The following CPS1 variants were observed in gnomAD, a reference collection of about 807,000 sequenced individuals.
The protein encoded by CPS1 is carbamoyl-phosphate synthase [ammonia], mitochondrial.
CPS1 carries 109 observed loss-of-function variants against 174.6 expected under a neutral mutation model. The observed-to-expected ratio is 0.62, with a 90% CI of 0.53 to 0.73. The LOEUF is 0.73. CPS1 is among the 30% of genes least tolerant of loss of function. The pLI, the probability that CPS1 is intolerant of heterozygous loss-of-function variation, is 0.00. For missense variants in CPS1, 1,689 were observed against 1,821.9 expected (o/e 0.93, Z 1.33); for synonymous variants, 637 against 632.0 (o/e 1.01, Z -0.12).
chr2:210,481,964 A>G (rs1244062777), intron 1 of CPS1, among the ~76,000 whole-genome samples: 1 of 152,244 alleles, frequency 6.6e-6, no homozygotes, highest in Non-Finnish European at 1.5e-5. Flanking sequence ...CCAGGGCTGC[A>G]GCTGCAGAGA....
chr2:210,575,525 C>CAA lies in CPS1; in HGVS notation c.237-820_237-819insAA, dbSNP rs962255612. Reference sequence around the variant, plus strand: ...CACACGATATGTATATGCACACACACACACACACACACACACACGATATAT... The same window carrying CAA: ...CACACGATATGTATATGCACACACACAAACACACACACACACACACGATATAT... On this transcript the variant is annotated intron_variant, in intron 2 of 37. Transcript: ENST00000233072. Among the ~76,000 whole-genome samples, 5 of 127,292 alleles carry CAA rather than the reference C, an allele frequency of 3.9e-5. No homozygotes were observed. In the Admixed American group the frequency reaches 4.2e-4, roughly 11 times the overall value. The allele number at this position is 127,292 out of a possible 152,430, so 83.5% of individuals were successfully genotyped here.
chr2:210,502,681 C>T (rs1335022673), intron 1 of CPS1, among the ~76,000 whole-genome samples: 2 of 151,960 alleles, frequency 1.3e-5, no homozygotes, highest in Non-Finnish European at 1.5e-5. Context: ...GTCATAGTTC[C>T]TGGGTCTGAG....
At chr2:210,507,029 C>T (rs1335156108) in intron 1 of CPS1, among the ~76,000 whole-genome samples, 2 of 152,200 alleles carry the variant, frequency 1.3e-5, no homozygotes, top group East Asian at 3.9e-4. Context: ...ACAGAGAACG[C>T]CACAAAGATA....
Position 210,620,389 on chromosome 2 carries a change from T to C in CPS1, c.2687+3848T>C, listed in dbSNP as rs1003340709. Among the ~76,000 whole-genome samples the C allele has an allele frequency of 3.9e-5, 6 of 152,220 alleles. No individual in the cohort carries two copies. The East Asian group carries it at 1.2e-3, about 30-fold the overall frequency. On this transcript the variant is annotated intron_variant, in intron 21 of 37. Transcript: ENST00000233072. ...GAAGGGGAGAGATAAACATGTTTCA[T>C]GTTCATGATTACGTATGAAGTCTCA...
In CPS1 at chr2:210,565,836, C is replaced by A. The variant is rs1052557201; in HGVS notation, c.127-7462C>A. Among the ~76,000 whole-genome samples, 3 of 152,304 alleles carry A rather than the reference C, an allele frequency of 2.0e-5. No homozygotes were observed. The East Asian group carries it at 5.8e-4, about 29-fold the overall frequency. ...ATTAACTTTGGCATAAGGACTTTGA[C>A]TGATCATTTGGTTTAAGTGCCTAGC... On this transcript the variant is annotated intron_variant, in intron 1 of 37. Transcript: ENST00000233072.
At chr2:210,563,604 G>A (rs573183442) in intron 1 of CPS1, among the ~76,000 whole-genome samples, 5 of 152,234 alleles carry the variant, frequency 3.3e-5, no homozygotes, top group East Asian at 1.9e-4. Context: ...AAACTGGTTC[G>A]AAGTAAAGGA....
intron 25 of CPS1, among the ~76,000 whole-genome samples, chr2:210,644,086 A>G (rs1559124084): frequency 1.3e-5 from 2 of 152,110 alleles, no homozygotes; most frequent in Non-Finnish European, 2.9e-5. Context: ...TCCTCATGAA[A>G]TGGTTTAAAG....
rs183176899 is a variant in CPS1, at chr2:210,672,740, T to C, written c.4102-2162T>C. The C allele has an allele frequency of 1.7e-3, 255 of 152,294 alleles. 1 individual carries two copies. Among genetic ancestry groups the C allele is most frequent in the African/African-American group, 5.7e-3 (236 of 41,570 alleles). The allele number at this position is 152,294 out of a possible 1,614,324, so 9.4% of individuals were successfully genotyped here. A position where few individuals can be genotyped will look rare whatever the true frequency, so the allele number is the denominator to read the frequency against. Reference sequence around the variant, plus strand: ...AAGTGGAAATGAAAAGCTACTTTCCTGGGCATGGTTAAAATTCATGTTCTA... The same window carrying C: ...AAGTGGAAATGAAAAGCTACTTTCCCGGGCATGGTTAAAATTCATGTTCTA... On this transcript the variant is annotated intron_variant, in intron 34 of 37. Coordinates refer to ENST00000233072, the MANE Select transcript of CPS1 (RefSeq NM_001875.5).
intron 30 of CPS1, 156 bp from the exon 31 acceptor site, chr2:210,658,443 A>G (rs550848597): frequency 3.2e-6 from 2 of 634,480 alleles, no homozygotes; most frequent in South Asian, 1.7e-5. Flanking sequence ...ATAGAAACCT[A>G]ATAGTGCCCT....
chr2:210,504,790 A>C (rs1353009225), intron 1 of CPS1, among the ~76,000 whole-genome samples: 1 of 152,234 alleles, frequency 6.6e-6, no homozygotes, highest in Non-Finnish European at 1.5e-5. Context: ...ACATTGTGGC[A>C]TACCCACTTC....
chr2:210,576,053 A>C (rs1368894977), intron 2 of CPS1, among the ~76,000 whole-genome samples: 3 of 152,088 alleles, frequency 2.0e-5, no homozygotes, highest in Non-Finnish European at 2.9e-5. Flanking sequence ...AAAAATTAAG[A>C]TGCTAGCAAG....
intron 1 of CPS1, among the ~76,000 whole-genome samples, chr2:210,534,495 C>T (rs1050387403): frequency 2.0e-5 from 3 of 152,134 alleles, no homozygotes; most frequent in Non-Finnish European, 4.4e-5. Context: ...TGGCAGTTAT[C>T]GGCTGCAGTA....
chr2:210,607,136 C>G (rs1698942518), intron 18 of CPS1, among the ~76,000 whole-genome samples, 195 bp downstream of exon 18: 1 of 151,908 alleles, frequency 6.6e-6, no homozygotes, highest in Admixed American at 6.6e-5. Context: ...AATTATATTG[C>G]TAGCTGGCTT....
At chr2:210,600,806 A>G in intron 15 of CPS1, 94 bp downstream of exon 15, 1 of 1,347,990 alleles carries the variant, frequency 7.4e-7, no homozygotes, top group Non-Finnish European at 1.1e-6. Flanking sequence ...AGTTAAGATT[A>G]TTATACTTGC....
At chr2:210,590,028 C>G in intron 7 of CPS1, 78 bp from the exon 8 acceptor site, 1 of 1,579,330 alleles carries the variant, frequency 6.3e-7, no homozygotes, top group South Asian at 1.1e-5. Context: ...AATGGTTAGT[C>G]AAGAGAAAGT....
intron 1 of CPS1, among the ~76,000 whole-genome samples, chr2:210,539,385 G>A (rs535195235): frequency 1.3e-5 from 2 of 152,196 alleles, no homozygotes; most frequent in East Asian, 3.9e-4. Context: ...GCAAGATTTG[G>A]AATTATCCGC....
At chr2:210,514,312 T>C (rs1695613132) in intron 1 of CPS1, among the ~76,000 whole-genome samples, 1 of 152,058 alleles carries the variant, frequency 6.6e-6, no homozygotes, top group African/African-American at 2.4e-5. Flanking sequence ...TTCCTATCCA[T>C]GAACATAAAA....
At position 210,543,602 on chromosome 2, in the gene CPS1, T is replaced by G. The variant is rs573231238; in HGVS notation, c.4-13117T>G. ...ATTATTTTCTAGCAAAACAGCCTAC[T>G]TTATTCCTGCAGAGTTTGTAATCAT... On this transcript the variant is annotated intron_variant, in intron 1 of 38. Transcript: ENST00000430249. Among the ~76,000 whole-genome samples, 4 of 152,258 alleles carry G rather than the reference T, an allele frequency of 2.6e-5. No individual in the cohort carries two copies. In the South Asian group the frequency reaches 8.3e-4, roughly 32 times the overall value.
chr2:210,512,739 TATATATATATA>T (rs1695533272), intron 1 of CPS1, among the ~76,000 whole-genome samples: 1 of 2,452 alleles, frequency 4.1e-4, no homozygotes, highest in African/African-American at 6.6e-4. Context: ...AGTAGTTTTA[TATATATATATA>T]TATATATATA....
Sources: allele counts gnomAD v4.1 joint callset (sites outside exome capture counted in the v4.1 genomes callset), GRCh38; gene constraint gnomAD v4.1.1; transcripts MANE v1.5; gene names NCBI Gene and HGNC (gene_info 2026-07-23, HGNC 2026-07-21).